SRGAP2C: variants seen among roughly 807,000 people sequenced by gnomAD.
SRGAP2C encodes the protein SLIT-ROBO Rho GTPase-activating protein 2C.
In SRGAP2C, 15 loss-of-function variants were observed where a neutral mutation model predicts 25.1. The observed-to-expected ratio is 0.60, with a 90% CI of 0.40 to 0.92. The LOEUF is 0.92. SRGAP2C is among the 40% of genes least tolerant of loss of function. The pLI is 0.00. For missense variants in SRGAP2C, 144 were observed against 264.4 expected (o/e 0.54, Z 3.16); for synonymous variants, 44 against 96.6 (o/e 0.46, Z 3.19).
intron 5 of SRGAP2C, among the ~76,000 whole-genome samples, chr1:121,366,041 G>C (rs61805725): frequency 7.2e-6 from 1 of 139,006 alleles, no homozygotes; most frequent in East Asian, 2.3e-4. Context: ...TTGTTCCCCA[G>C]CCATGTTTTT....
chr1:121,336,203 T>G (rs1489052869), intron 4 of SRGAP2C, among the ~76,000 whole-genome samples: 1 of 151,808 alleles, frequency 6.6e-6, no homozygotes, highest in African/African-American at 2.4e-5. Flanking sequence ...GCTGAGGGGG[T>G]TCCTAGGACA....
intron 4 of SRGAP2C, among the ~76,000 whole-genome samples, chr1:121,343,435 T>C (rs1553343137): frequency 0.58 from 86,115 of 147,688 alleles, 25,433 homozygotes; most frequent in East Asian, 0.79. Flanking sequence ...GCTGTTGTAA[T>C]CAGAGCAGAT....
chr1:121,280,016 T>G (rs1264877082), intron 2 of SRGAP2C, among the ~76,000 whole-genome samples: 3 of 151,876 alleles, frequency 2.0e-5, no homozygotes, highest in Admixed American at 2.0e-4. Flanking sequence ...TTTTTAATCT[T>G]TTTTTTCAGT....
rs112852507 is a variant in SRGAP2C, at chr1:121,221,485, C to T, written c.67+33972C>T. ...CAGCACTTTGGGAGGCCAAGGCGGG[C>T]GGATCACGAGATCAGGAGTTCGAGA... On this transcript the variant is annotated intron_variant, in intron 2 of 9. Coordinates refer to ENST00000367123, the MANE Select transcript of SRGAP2C (RefSeq NM_001329984.2). Among the ~76,000 whole-genome samples, 8 of 73,288 alleles carry T rather than the reference C, an allele frequency of 1.1e-4. 2 individuals carry two copies. Among genetic ancestry groups the T allele is most frequent in the South Asian group, 3.2e-4 (1 of 3,114 alleles). The allele number at this position is 73,288 out of a possible 152,430, so 48.1% of individuals were successfully genotyped here.
intron 2 of SRGAP2C, among the ~76,000 whole-genome samples, chr1:121,255,315 G>A (rs1656432394): frequency 6.6e-6 from 1 of 151,614 alleles, no homozygotes; most frequent in South Asian, 2.1e-4. Flanking sequence ...GAATTTATGG[G>A]TTGAAGTTGT....
chr1:121,235,172 C>T (rs1338461527), intron 2 of SRGAP2C, among the ~76,000 whole-genome samples: 10 of 142,792 alleles, frequency 7.0e-5, no homozygotes, highest in African/African-American at 1.3e-4. Context: ...GGACTACAGG[C>T]GCCCGCCACC....
At chr1:121,207,954 A>G (rs2101411275) in intron 2 of SRGAP2C, among the ~76,000 whole-genome samples, 1 of 152,208 alleles carries the variant, frequency 6.6e-6, no homozygotes, top group Admixed American at 6.5e-5. Flanking sequence ...TGGAGGTCAG[A>G]GGCTTGGGTA....
chr1:121,222,562 G>A (rs1369319230), intron 2 of SRGAP2C, among the ~76,000 whole-genome samples: 7 of 152,146 alleles, frequency 4.6e-5, no homozygotes, highest in Admixed American at 2.0e-4. Flanking sequence ...CCGGAAGGTC[G>A]AGGCTACGGT....
chr1:121,239,279 ATACTAT>A lies in SRGAP2C; in HGVS notation c.68-45523_68-45518del, dbSNP rs1350742213. 6.6e-4 allele frequency among the ~76,000 whole-genome samples: 2 copies of A among 3,014 alleles called. 1 individual carries two copies. Among genetic ancestry groups the A allele is most frequent in the African/African-American group, 0.016 (2 of 128 alleles). 2.0% of individuals were successfully genotyped at this position (3,014 alleles called of 152,430 possible). On this transcript the variant is annotated intron_variant, in intron 2 of 9. Transcript: ENST00000367123. ...ATATATATATATACTATATATATATATACTATATATATATATATATACATGCAACAA... is the reference window on the plus strand; with the variant it reads ...ATATATATATATACTATATATATATAATATATATATATATACATGCAACAA...
At chr1:121,268,437 G>T (rs1334762581) in intron 2 of SRGAP2C, among the ~76,000 whole-genome samples, 1 of 151,778 alleles carries the variant, frequency 6.6e-6, no homozygotes, top group Non-Finnish European at 1.5e-5. Flanking sequence ...TTCTCCACTG[G>T]GAAGCCATTG....
chr1:121,340,337 A>G (rs1658623134), intron 4 of SRGAP2C, among the ~76,000 whole-genome samples: 1 of 152,158 alleles, frequency 6.6e-6, no homozygotes, highest in South Asian at 2.1e-4. Flanking sequence ...TCAGGAAAGG[A>G]AAACCACATA....
chr1:121,254,381 A>AC (rs1333690632), intron 2 of SRGAP2C, among the ~76,000 whole-genome samples: 1 of 66,142 alleles, frequency 1.5e-5, no homozygotes, highest in Non-Finnish European at 3.1e-5. Context: ...GTACCCCCAG[A>AC]CCATTGCGTT....
At chr1:121,223,086 T>C (rs1655574091) in intron 2 of SRGAP2C, among the ~76,000 whole-genome samples, 2 of 152,072 alleles carry the variant, frequency 1.3e-5, no homozygotes, top group African/African-American at 4.8e-5. Context: ...GGTGCTTGGG[T>C]CAGTGTCTCT....
At chr1:121,244,379 T>C (rs1656192300) in intron 2 of SRGAP2C, among the ~76,000 whole-genome samples, 1 of 117,532 alleles carries the variant, frequency 8.5e-6, no homozygotes, top group Non-Finnish European at 1.8e-5. Flanking sequence ...TTTTTTGTCT[T>C]CTGAAAACAT....
chr1:121,244,423 G>A (rs1414198503), intron 2 of SRGAP2C, among the ~76,000 whole-genome samples: 468 of 110,236 alleles, frequency 4.2e-3, no homozygotes, highest in South Asian at 6.5e-3. Context: ...CCTACAGTTG[G>A]TTTAGTCCCC....
intron 4 of SRGAP2C, among the ~76,000 whole-genome samples, chr1:121,340,218 T>TC (rs1658620333): frequency 6.6e-6 from 1 of 152,042 alleles, no homozygotes; most frequent in Non-Finnish European, 1.5e-5. Flanking sequence ...CCTTGCCTCT[T>TC]CCCATGACCT....
At chr1:121,238,659 G>A (rs587628955) in intron 2 of SRGAP2C, among the ~76,000 whole-genome samples, 2 of 151,858 alleles carry the variant, frequency 1.3e-5, no homozygotes, top group East Asian at 1.9e-4. Context: ...TGTCACCCAG[G>A]CTTGAGTGCA....
chr1:121,303,433 C>T (rs1217382493), intron 3 of SRGAP2C, among the ~76,000 whole-genome samples: 4 of 152,094 alleles, frequency 2.6e-5, no homozygotes, highest in Non-Finnish European at 4.4e-5. Flanking sequence ...ATGTCCCCAT[C>T]GTTCTTTGAG....
chr1:121,315,082 C>T (rs1658066202), intron 3 of SRGAP2C: 12 of 769,958 alleles, frequency 1.6e-5, no homozygotes, highest in Middle Eastern at 3.8e-4. Flanking sequence ...GAGGAACTGG[C>T]GGGGTGAGGC....
Sources: gnomAD v4.1 joint callset for allele counts (sites outside exome capture counted in the v4.1 genomes callset) on GRCh38, gnomAD v4.1.1 for gene constraint, MANE v1.5 for transcripts, NCBI Gene and HGNC (gene_info 2026-07-23, HGNC 2026-07-21) for gene names.